Variants in PDE7B observed in about 807,000 individuals in gnomAD.
PDE7B encodes 3',5'-cyclic-AMP phosphodiesterase 7B.
Under a neutral mutation model 56.2 loss-of-function variants are expected in PDE7B, and 29 were observed. The observed-to-expected ratio is 0.52, with a 90% CI of 0.38 to 0.70. The LOEUF (loss-of-function observed/expected upper bound fraction) is 0.70, where lower values mean the gene tolerates loss of function less well. Among genes scored for constraint, PDE7B ranks in the 30% least tolerant of loss-of-function variants. PDE7B has a pLI of 0.00. For synonymous variants in PDE7B, 197 were observed against 196.9 expected (o/e 1.00, Z 0.00); for missense variants, 490 against 565.0 (o/e 0.87, Z 1.35).
intron 2 of PDE7B, among the ~76,000 whole-genome samples, chr6:136,091,311 G>C (rs1777381427): frequency 6.6e-6 from 1 of 152,154 alleles, no homozygotes; most frequent in Non-Finnish European, 1.5e-5. Context: ...TCCCATACTG[G>C]GCTGAGGGGG....
intron 2 of PDE7B, among the ~76,000 whole-genome samples, chr6:136,005,251 G>C (rs144127736): frequency 1.9e-4 from 29 of 152,106 alleles, no homozygotes; most frequent in South Asian, 1.0e-3. Context: ...CGTAAAAACC[G>C]TAGAAGAAAA....
intron 2 of PDE7B, among the ~76,000 whole-genome samples, chr6:136,063,110 C>A (rs1363949123): frequency 6.6e-6 from 1 of 152,148 alleles, no homozygotes; most frequent in African/African-American, 2.4e-5. Flanking sequence ...TAAAATTAGA[C>A]TAGTATTAGC....
chr6:136,150,324 GTAGTTTCA>G (rs921571886), intron 5 of PDE7B, among the ~76,000 whole-genome samples: 1 of 152,164 alleles, frequency 6.6e-6, no homozygotes, highest in African/African-American at 2.4e-5. Context: ...TTTTCTTCCA[GTAGTTTCA>G]TAGTTTCAGG....
intron 1 of PDE7B, among the ~76,000 whole-genome samples, chr6:135,936,291 G>A (rs1354870616): frequency 6.6e-6 from 1 of 152,212 alleles, no homozygotes; most frequent in Non-Finnish European, 1.5e-5. Context: ...GATGTCTGGA[G>A]ATCTGGACAT....
At chr6:136,123,961 C>T (rs748724905) in intron 3 of PDE7B, among the ~76,000 whole-genome samples, 8 of 152,164 alleles carry the variant, frequency 5.3e-5, no homozygotes, top group Admixed American at 1.3e-4. Context: ...GAAACACCCA[C>T]TCTCTAGAAA....
intron 1 of PDE7B, among the ~76,000 whole-genome samples, chr6:135,879,073 G>T (rs1775556092): frequency 6.6e-6 from 1 of 151,630 alleles, no homozygotes; most frequent in Non-Finnish European, 1.5e-5. Flanking sequence ...TGACTTCATG[G>T]TTTCTCATTT....
At chr6:135,959,835 G>A (rs1185977924) in intron 2 of PDE7B, among the ~76,000 whole-genome samples, 5 of 152,074 alleles carry the variant, frequency 3.3e-5, no homozygotes, top group Admixed American at 1.3e-4. Flanking sequence ...GTGCAGTGGT[G>A]TGATCAGAGC....
At chr6:136,002,981 C>A (rs969024509) in intron 2 of PDE7B, among the ~76,000 whole-genome samples, 5 of 151,756 alleles carry the variant, frequency 3.3e-5, no homozygotes, top group African/African-American at 1.2e-4. Flanking sequence ...TGTAAAAGAA[C>A]AGAAATTATA....
intron 3 of PDE7B, among the ~76,000 whole-genome samples, chr6:136,141,440 G>C (rs1235861730): frequency 6.6e-6 from 1 of 152,056 alleles, no homozygotes; most frequent in Non-Finnish European, 1.5e-5. Flanking sequence ...TTTTTGTTGT[G>C]TCTCTGCCAG....
chr6:136,081,986 T>C (rs1156494816), intron 2 of PDE7B, among the ~76,000 whole-genome samples: 1 of 152,224 alleles, frequency 6.6e-6, no homozygotes, highest in Non-Finnish European at 1.5e-5. Context: ...CATGACTCAC[T>C]GAGTCAGTCA....
chr6:135,894,473 C>T (rs919192165), intron 1 of PDE7B, among the ~76,000 whole-genome samples: 7 of 152,066 alleles, frequency 4.6e-5, no homozygotes, highest in African/African-American at 1.7e-4. Flanking sequence ...GAATTATAAC[C>T]TGTTCCTATT....
intron 1 of PDE7B, among the ~76,000 whole-genome samples, chr6:135,906,146 T>C (rs898684033): frequency 2.0e-5 from 3 of 152,116 alleles, no homozygotes; most frequent in African/African-American, 7.2e-5. Flanking sequence ...AGGCCTATGG[T>C]GGAGACTCAG....
At chr6:135,935,190 T>TATATA (rs1774395141) in intron 1 of PDE7B, among the ~76,000 whole-genome samples, 2 of 36,192 alleles carry the variant, frequency 5.5e-5, no homozygotes, top group Non-Finnish European at 9.3e-5. Flanking sequence ...ATATATTTAT[T>TATATA]TATATATATA....
intron 8 of PDE7B, 74 bp downstream of exon 8, chr6:136,155,832 G>A: frequency 1.4e-6 from 2 of 1,467,892 alleles, no homozygotes; most frequent in Non-Finnish European, 9.5e-7. Context: ...CCTGAATCTT[G>A]CCCATGGAGA....
intron 2 of PDE7B, among the ~76,000 whole-genome samples, chr6:135,990,832 G>A (rs1775466654): frequency 6.6e-6 from 1 of 152,232 alleles, no homozygotes. Context: ...AGAGCTAAGT[G>A]ACAGTAAGTT....
At chr6:136,089,947 A>T (rs188485330) in intron 2 of PDE7B, among the ~76,000 whole-genome samples, 1 of 152,160 alleles carries the variant, frequency 6.6e-6, no homozygotes, top group Non-Finnish European at 1.5e-5. Flanking sequence ...ACAGGAATGT[A>T]ATCTTTCCTA....
At chr6:135,858,252 A>G (rs1189431708) in intron 1 of PDE7B, among the ~76,000 whole-genome samples, 1 of 152,046 alleles carries the variant, frequency 6.6e-6, no homozygotes, top group Non-Finnish European at 1.5e-5. Context: ...TCCCAGAGTC[A>G]AGCGATTCTC....
intron 3 of PDE7B, among the ~76,000 whole-genome samples, chr6:136,130,972 C>T (rs1367109341): frequency 2.0e-5 from 3 of 152,122 alleles, no homozygotes; most frequent in Admixed American, 2.0e-4. Context: ...TATCTCCCAC[C>T]GGGTCCCTCC....
At chr6:135,922,965 G>A (rs984514785) in intron 1 of PDE7B, among the ~76,000 whole-genome samples, 3 of 151,970 alleles carry the variant, frequency 2.0e-5, no homozygotes, top group Admixed American at 6.5e-5. Flanking sequence ...TCCCAGAGCC[G>A]TCCACTTCAG....
Sources: allele counts gnomAD v4.1 joint callset (sites outside exome capture counted in the v4.1 genomes callset), GRCh38; gene constraint gnomAD v4.1.1; transcripts MANE v1.5; gene names NCBI Gene and HGNC (gene_info 2026-07-23, HGNC 2026-07-21).